The following SMAD3 variants were observed in gnomAD, a reference collection of about 807,000 sequenced individuals.
SMAD3 encodes SMAD family member 3, also known as MAD homolog 3.
A neutral mutation model predicts 51.8 loss-of-function variants in SMAD3; 12 were observed. The observed-to-expected ratio is 0.23, with a 90% CI of 0.15 to 0.38. The LOEUF (loss-of-function observed/expected upper bound fraction) is 0.38. Ranked by LOEUF, SMAD3 falls within the 10% of genes least tolerant of loss-of-function variation. The pLI, the probability that SMAD3 is intolerant of heterozygous loss-of-function variation, is 1.00. For missense variants in SMAD3, 294 were observed against 565.6 expected (o/e 0.52, Z 4.87); for synonymous variants, 238 against 227.7 (o/e 1.05, Z -0.41).
intron 1 of SMAD3, among the ~76,000 whole-genome samples, chr15:67,112,780 T>C (rs993252495): frequency 1.5e-5 from 2 of 132,358 alleles, no homozygotes; most frequent in African/African-American, 3.0e-5. Context: ...TTAGCTCTTA[T>C]ATTTAGGTCT....
intron 1 of SMAD3, among the ~76,000 whole-genome samples, chr15:67,114,971 A>G (rs949226845): frequency 6.6e-6 from 1 of 151,954 alleles, no homozygotes; most frequent in Admixed American, 6.6e-5. Context: ...CAAATATTGG[A>G]GCTTTTTTGG....
intron 1 of SMAD3, among the ~76,000 whole-genome samples, chr15:67,094,985 A>G (rs373361599): frequency 1.3e-5 from 2 of 152,186 alleles, no homozygotes; most frequent in East Asian, 3.9e-4. Context: ...CCTGAGCCTC[A>G]GTTTCTCCAG....
intron 1 of SMAD3, 23 bp downstream of exon 1, chr15:67,066,383 C>T (rs1406033586): frequency 1.3e-6 from 2 of 1,597,964 alleles, no homozygotes; most frequent in Non-Finnish European, 1.7e-6. Context: ...CCGGGGGGGA[C>T]CCGGGGTCAC....
At chr15:67,146,660 T>A (rs962289823) in intron 1 of SMAD3, among the ~76,000 whole-genome samples, 5 of 152,274 alleles carry the variant, frequency 3.3e-5, no homozygotes, top group Admixed American at 3.3e-4. Flanking sequence ...TGAGGACATC[T>A]CCATTTAAGT....
chr15:67,181,723 GAGGAAAATAGTTC>G (rs939900249), intron 6 of SMAD3, among the ~76,000 whole-genome samples: 1 of 151,854 alleles, frequency 6.6e-6, no homozygotes, highest in Non-Finnish European at 1.5e-5. Flanking sequence ...GGAAGCCACA[GAGGAAAATAGTTC>G]ATCTAAGGGA....
chr15:67,100,179 C>CT, intron 1 of SMAD3, among the ~76,000 whole-genome samples: 1 of 16,090 alleles, frequency 6.2e-5, no homozygotes, highest in South Asian at 2.5e-3. Context: ...GAAACTCCAT[C>CT]TAAAAAAAAA....
chr15:67,189,027 T>C (rs567121150), intron 8 of SMAD3, among the ~76,000 whole-genome samples: 18 of 152,264 alleles, frequency 1.2e-4, no homozygotes, highest in Non-Finnish European at 2.2e-4. Flanking sequence ...AACTATGTTA[T>C]GGCCTGAAGA....
At chr15:67,099,347 A>G (rs2053296) in intron 1 of SMAD3, among the ~76,000 whole-genome samples, 146,943 of 152,302 alleles carry the variant, frequency 0.96, 71,106 homozygotes, top group East Asian at 1. Flanking sequence ...AATGTTGATT[A>G]TGCAAATTGA....
At chr15:67,109,374 C>T (rs1307445459) in intron 1 of SMAD3, among the ~76,000 whole-genome samples, 2 of 152,100 alleles carry the variant, frequency 1.3e-5, no homozygotes, top group Non-Finnish European at 2.9e-5. Flanking sequence ...GGACTTGTGG[C>T]CCTCATCTGT....
chr15:67,087,087 T>C (rs1960410618), intron 1 of SMAD3, among the ~76,000 whole-genome samples: 2 of 151,912 alleles, frequency 1.3e-5, no homozygotes, highest in Admixed American at 1.3e-4. Context: ...GGGGTTTCAC[T>C]ATGTTGGCCA....
intron 1 of SMAD3, among the ~76,000 whole-genome samples, chr15:67,095,723 T>G (rs1960601795): frequency 6.6e-6 from 1 of 152,118 alleles, no homozygotes; most frequent in South Asian, 2.1e-4. Context: ...TTAGTAGACG[T>G]GGGGTTTCAC....
chr15:67,159,013 T>C (rs930414799), intron 1 of SMAD3, among the ~76,000 whole-genome samples: 1 of 152,198 alleles, frequency 6.6e-6, no homozygotes, highest in Non-Finnish European at 1.5e-5. Context: ...GGATTGTTAA[T>C]ACTGAGTGTT....
At chr15:67,104,109 A>G (rs1027022918) in intron 1 of SMAD3, among the ~76,000 whole-genome samples, 3 of 152,146 alleles carry the variant, frequency 2.0e-5, no homozygotes, top group East Asian at 3.9e-4. Flanking sequence ...AGGAAGACAG[A>G]TAAGATCGGA....
chr15:67,083,953 A>T (rs1271664340), intron 1 of SMAD3, among the ~76,000 whole-genome samples: 2 of 151,496 alleles, frequency 1.3e-5, no homozygotes, highest in Non-Finnish European at 2.9e-5. Context: ...GGGCTTTATG[A>T]CTTTGGGGAA....
At chr15:67,185,451 C>A (rs1259712724) in intron 7 of SMAD3, among the ~76,000 whole-genome samples, 1 of 152,136 alleles carries the variant, frequency 6.6e-6, no homozygotes, top group African/African-American at 2.4e-5. Flanking sequence ...GGGAGCAGCC[C>A]AGGCAAAGGG....
chr15:67,132,371 C>T (rs1961545847), intron 1 of SMAD3, among the ~76,000 whole-genome samples: 1 of 152,174 alleles, frequency 6.6e-6, no homozygotes, highest in Non-Finnish European at 1.5e-5. Flanking sequence ...AGGAACATTG[C>T]CCCATCTCCA....
At chr15:67,175,491 G>A (rs12324906) in intron 5 of SMAD3, among the ~76,000 whole-genome samples, 17,915 of 152,216 alleles carry the variant, frequency 0.12, 1,636 homozygotes, top group East Asian at 0.29. Flanking sequence ...AGCATCTCCT[G>A]TTGACATAGT....
intron 1 of SMAD3, among the ~76,000 whole-genome samples, chr15:67,079,793 A>G (rs1595888253): frequency 1.3e-5 from 2 of 152,222 alleles, no homozygotes; most frequent in South Asian, 2.1e-4. Flanking sequence ...GCTCTACCCC[A>G]TAGCCCCTCA....
rs1346782965 is a variant in SMAD3 at position 67,171,649 on chromosome 15, G to A, written c.658+1045G>A. 5.3e-5 allele frequency among the ~76,000 whole-genome samples: 8 copies of A among 152,296 alleles called. No homozygotes were observed. In the East Asian group the frequency reaches 9.6e-4, roughly 18 times the overall value. ...TTGCTTCCAGACCTTGACTGACAGC[G>A]TCAGATGAAGAAACTCATCATTTGG... On this transcript the variant is annotated intron_variant, in intron 5 of 8. Transcript: ENST00000327367.
Sources: gnomAD v4.1 joint callset for allele counts (sites outside exome capture counted in the v4.1 genomes callset) on GRCh38, gnomAD v4.1.1 for gene constraint, MANE v1.5 for transcripts, NCBI Gene and HGNC (gene_info 2026-07-23, HGNC 2026-07-21) for gene names.